ADAMTS18: variants seen among roughly 807,000 people sequenced by gnomAD.
ADAMTS18 encodes A disintegrin and metalloproteinase with thrombospondin motifs 18.
ADAMTS18 carries 157 observed loss-of-function variants against 165.9 expected under a neutral mutation model. That is an observed-to-expected ratio of 0.95 (90% confidence interval 0.83 to 1.08). The LOEUF (loss-of-function observed/expected upper bound fraction) is 1.08. ADAMTS18 is among the 50% of genes least tolerant of loss of function. The pLI, the probability that ADAMTS18 is intolerant of heterozygous loss-of-function variation, is 0.00. For synonymous variants in ADAMTS18, 782 were observed against 578.2 expected (o/e 1.35, Z -5.06); for missense variants, 2,040 against 1,534.0 (o/e 1.33, Z -5.51).
At chr16:77,363,956 T>C (rs377326100) in intron 5 of ADAMTS18, 71 bp from the exon 6 acceptor site, 14 of 1,410,826 alleles carry the variant, frequency 9.9e-6, no homozygotes, top group Admixed American at 1.7e-5. Flanking sequence ...ATCAGACATA[T>C]TGACTGAAGT....
chr16:77,379,934 A>C (rs1487578080), intron 3 of ADAMTS18, among the ~76,000 whole-genome samples: 1 of 152,198 alleles, frequency 6.6e-6, no homozygotes, highest in Non-Finnish European at 1.5e-5. Context: ...TGATTTGTCC[A>C]AGTAATCCTG....
rs542469086 is a variant in ADAMTS18, at chr16:77,376,506, T to C, written c.496-8783A>G. Reference sequence around the variant, plus strand: ...ACTCTCCACCCAGGGAACCAACCCCTTCCCCTCAAGAGACAAGAGTCAAGC... The same window carrying C: ...ACTCTCCACCCAGGGAACCAACCCCCTCCCCTCAAGAGACAAGAGTCAAGC... On this transcript the variant is annotated intron_variant, in intron 3 of 22. Transcript: ENST00000282849. Among the ~76,000 whole-genome samples, 10 of 152,250 alleles carry C rather than the reference T, an allele frequency of 6.6e-5. No homozygotes were observed. In the South Asian group the frequency reaches 8.3e-4, roughly 13 times the overall value.
intron 12 of ADAMTS18, among the ~76,000 whole-genome samples, chr16:77,331,105 A>C (rs960585217): frequency 1.3e-5 from 2 of 152,258 alleles, no homozygotes; most frequent in African/African-American, 4.8e-5. Context: ...AACTGCACTG[A>C]ATGAAAATAC....
chr16:77,390,833 A>G (rs2057176914), intron 3 of ADAMTS18, among the ~76,000 whole-genome samples: 1 of 152,218 alleles, frequency 6.6e-6, no homozygotes, highest in African/African-American at 2.4e-5. Context: ...CATTACAATG[A>G]AATAAAATGA....
At chr16:77,300,119 A>G in intron 17 of ADAMTS18, 144 bp downstream of exon 17, 1 of 944,188 alleles carries the variant, frequency 1.1e-6, no homozygotes, top group South Asian at 1.5e-5. Context: ...CTAATGCCAT[A>G]ATATTTGCTT....
intron 7 of ADAMTS18, among the ~76,000 whole-genome samples, chr16:77,360,950 G>C (rs541200283): frequency 6.6e-6 from 1 of 152,092 alleles, no homozygotes; most frequent in African/African-American, 2.4e-5. Context: ...GCCAGGTGTG[G>C]TGGTGGGTGC....
At chr16:77,378,962 T>TA (rs1451409739) in intron 3 of ADAMTS18, 1 of 152,180 alleles carries the variant, frequency 6.6e-6, no homozygotes, top group Non-Finnish European at 1.5e-5. Context: ...ATGAAAGAAC[T>TA]AAGCAAGGTT....
intron 3 of ADAMTS18, among the ~76,000 whole-genome samples, chr16:77,417,875 T>C (rs2057550978): frequency 6.6e-6 from 1 of 152,212 alleles, no homozygotes; most frequent in Non-Finnish European, 1.5e-5. Context: ...ACATCCCTTA[T>C]TTCATTTTCA....
At chr16:77,393,501 G>A (rs868697038) in intron 3 of ADAMTS18, among the ~76,000 whole-genome samples, 1 of 152,148 alleles carries the variant, frequency 6.6e-6, no homozygotes, top group Non-Finnish European at 1.5e-5. Context: ...CCAAGATGAT[G>A]GTCTTAGGAG....
chr16:77,338,142 G>A (rs183066675), intron 11 of ADAMTS18, among the ~76,000 whole-genome samples: 77 of 152,118 alleles, frequency 5.1e-4, no homozygotes, highest in African/African-American at 1.8e-3. Flanking sequence ...GACATCAGGC[G>A]ATCCACCCAC....
rs548937291 is a variant in ADAMTS18, at chr16:77,321,661, A to C, written c.2164-459T>G. ...GGGGAAAAATAGTATTTCAAAATACATTTGTGAGATTCTAATCATATAGTA... is the reference window on the plus strand; with the variant it reads ...GGGGAAAAATAGTATTTCAAAATACCTTTGTGAGATTCTAATCATATAGTA... On this transcript the variant is annotated intron_variant, in intron 14 of 22. Coordinates refer to ENST00000282849, the MANE Select transcript of ADAMTS18 (RefSeq NM_199355.4). 4.6e-5 allele frequency among the ~76,000 whole-genome samples: 7 copies of C among 152,340 alleles called. No individual in the cohort carries two copies. In the South Asian group the frequency reaches 1.5e-3, roughly 32 times the overall value.
intron 12 of ADAMTS18, among the ~76,000 whole-genome samples, chr16:77,335,343 G>T (rs2056291620): frequency 6.6e-6 from 1 of 151,404 alleles, no homozygotes; most frequent in Non-Finnish European, 1.5e-5. Flanking sequence ...GAAGGGTAGT[G>T]GGGAGGGAGA....
At chr16:77,353,928 G>C (rs555207363) in intron 9 of ADAMTS18, 42 bp from the exon 10 acceptor site, 1 of 1,612,320 alleles carries the variant, frequency 6.2e-7, no homozygotes, top group South Asian at 1.1e-5. Flanking sequence ...CTGTTGATCT[G>C]TGATCTTTCC....
chr16:77,347,206 G>A (rs1441492066), intron 10 of ADAMTS18, among the ~76,000 whole-genome samples: 2 of 152,146 alleles, frequency 1.3e-5, no homozygotes, highest in Non-Finnish European at 1.5e-5. Context: ...TTTGCAGGAC[G>A]TTTAAATAGT....
At chr16:77,291,532 T>C in intron 20 of ADAMTS18, 54 bp from the exon 21 acceptor site, 2 of 1,565,410 alleles carry the variant, frequency 1.3e-6, no homozygotes, top group South Asian at 2.2e-5. Flanking sequence ...TCACATCTTC[T>C]GGACAGAGGC....
rs754099275 is a variant in ADAMTS18, at chr16:77,300,397, A to G, written c.2540T>C (p.Met847Thr). ...AGCTATCCCTGGATTTTTGCCTTGC[A>G]TCAGAATCTGGACAGTGTAAGATAA... ...TNETLVFEIL[M>T]QGKNPGIAWK... The change falls in exon 17 of 23, where the codon ATG becomes ACG. Residue 847 changes from methionine to threonine, a missense_variant. Coordinates refer to ENST00000282849, the MANE Select transcript of ADAMTS18 (RefSeq NM_199355.4). 10 of 1,613,974 alleles carry G rather than the reference A, an allele frequency of 6.2e-6. No homozygotes were observed. In the East Asian group the frequency reaches 2.0e-4, roughly 32 times the overall value.
chr16:77,368,804 T>TC (rs1190023814), intron 3 of ADAMTS18, among the ~76,000 whole-genome samples: 1 of 151,806 alleles, frequency 6.6e-6, no homozygotes, highest in African/African-American at 2.4e-5. Flanking sequence ...TAAGTGGGGG[T>TC]CTAGAGAATC....
chr16:77,319,828 G>T (rs753991945), intron 16 of ADAMTS18, 21 bp downstream of exon 16: 56 of 1,613,804 alleles, frequency 3.5e-5, no homozygotes, highest in Non-Finnish European at 4.5e-5. Flanking sequence ...ACTGAGAACT[G>T]AATACACAGA....
intron 12 of ADAMTS18, among the ~76,000 whole-genome samples, chr16:77,326,582 C>G (rs1035234878): frequency 9.2e-5 from 14 of 152,058 alleles, no homozygotes; most frequent in Non-Finnish European, 1.6e-4. Flanking sequence ...GTGGTTTCGC[C>G]ATGTTGCCCA....
Sources: gnomAD v4.1 joint callset for allele counts (sites outside exome capture counted in the v4.1 genomes callset) on GRCh38, gnomAD v4.1.1 for gene constraint, MANE v1.5 for transcripts, NCBI Gene and HGNC (gene_info 2026-07-23, HGNC 2026-07-21) for gene names.